Variants in RC3H2 observed in about 807,000 individuals in gnomAD.
RC3H2 encodes the protein ring finger and CCCH-type domains 2, also known as roquin-2.
In RC3H2, 31 loss-of-function variants were observed where a neutral mutation model predicts 133.3. The ratio of observed to expected loss-of-function variants is 0.23; its 90% CI spans 0.17 to 0.31. The LOEUF is 0.31. Among genes scored for constraint, RC3H2 ranks in the 10% least tolerant of loss-of-function variants. The pLI, the probability that RC3H2 is intolerant of heterozygous loss-of-function variation, is 1.00. For missense variants in RC3H2, 1,175 were observed against 1,437.2 expected (o/e 0.82, Z 2.95); for synonymous variants, 517 against 502.2 (o/e 1.03, Z -0.40).
rs1426557576 is a variant in RC3H2, at chr9:122,880,743, G to A, written c.811C>T (p.Arg271Trp). Residue 271 changes from arginine to tryptophan, a missense_variant, in exon 6 of 21, where the codon CGG becomes TGG. Around this residue, in one of 8 missense-constraint regions of RC3H2, gnomAD observed 121 missense variants for 243.5 expected, o/e 0.50. Coordinates refer to ENST00000357244, the MANE Select transcript of RC3H2 (RefSeq NM_001100588.3). The stretch of plus-strand genomic sequence containing the variant: ...TCTCTGCGTAATGCTTCATAACTCC[G>A]AAATTCCTCCTTCAGCTGCATTAGG... The part of the protein sequence containing the change: ...SSLMQLKEEF[R>W]SYEALRREHD... 6 of 1,613,918 alleles carry A rather than the reference G, an allele frequency of 3.7e-6. No homozygotes were observed. Among genetic ancestry groups the A allele is most frequent in the Non-Finnish European group, 4.2e-6 (5 of 1,179,954 alleles).
rs758930995 is a variant in RC3H2, at chr9:122,858,080, T to A, written c.2297A>T (p.His766Leu). 3 of 1,614,146 alleles carry A rather than the reference T, an allele frequency of 1.9e-6. No individual in the cohort carries two copies. The South Asian group carries it at 3.3e-5, about 18-fold the overall frequency. Reference sequence around the variant, plus strand: ...CTGCTCCTCGCAACTGGTCTTCAAATGACCACAAGGTTCCTAATGGGGGAT... The same window carrying A: ...CTGCTCCTCGCAACTGGTCTTCAAAAGACCACAAGGTTCCTAATGGGGGAT... Reference protein sequence around the residue: ...TVPLPREPCGHLKTSCEEQIR... With the variant: ...TVPLPREPCGLLKTSCEEQIR... The change falls in exon 13 of 21, where the codon CAT becomes CTT. Residue 766 changes from histidine (H) to leucine (L), a missense_variant. Coordinates refer to ENST00000357244, the MANE Select transcript of RC3H2 (RefSeq NM_001100588.3).
In RC3H2 at chr9:122,855,264, G is replaced by C. The variant is rs763230704; in HGVS notation, c.2735C>G (p.Ser912Cys). The C allele has an allele frequency of 8.7e-6, 14 of 1,614,222 alleles. No individual in the cohort carries two copies. In the South Asian group the frequency reaches 1.5e-4, roughly 18 times the overall value. ...ISKWGAISRS[S>C]RTGYHTTDPV... ...ATCTGTGGTATGGTAACCTGTACGGGAAGATCTGGAAATCGCACCCCATTT... is the reference window on the plus strand; with the variant it reads ...ATCTGTGGTATGGTAACCTGTACGGCAAGATCTGGAAATCGCACCCCATTT... The change falls in exon 15 of 21, where the codon TCC (serine) becomes TGC (cysteine). Residue 912 changes from serine to cysteine, a missense_variant. Coordinates refer to ENST00000357244, the MANE Select transcript of RC3H2 (RefSeq NM_001100588.3).
At chr9:122,876,879 G>GAC (rs1831363813) in intron 9 of RC3H2, among the ~76,000 whole-genome samples, 1 of 152,124 alleles carries the variant, frequency 6.6e-6, no homozygotes, top group African/African-American at 2.4e-5. Context: ...GCCGTAAAAA[G>GAC]GATATATATC....
chr9:122,888,942 C>G (rs372230634), intron 4 of RC3H2, among the ~76,000 whole-genome samples: 2 of 152,220 alleles, frequency 1.3e-5, no homozygotes, highest in African/African-American at 2.4e-5. Flanking sequence ...CCCATGACTA[C>G]TGGATGAGAG....
intron 5 of RC3H2, among the ~76,000 whole-genome samples, chr9:122,882,833 A>G (rs535967536): frequency 6.6e-6 from 1 of 152,376 alleles, no homozygotes; most frequent in Admixed American, 6.5e-5. Context: ...GATAACAAAC[A>G]TAATAATGGG....
intron 4 of RC3H2, among the ~76,000 whole-genome samples, chr9:122,883,967 T>G (rs1046775835): frequency 6.6e-6 from 1 of 152,146 alleles, no homozygotes; most frequent in Non-Finnish European, 1.5e-5. Flanking sequence ...CACTCCAGCC[T>G]GGGTAACAGA....
intron 4 of RC3H2, 29 bp downstream of exon 4, chr9:122,890,283 A>C: frequency 6.3e-7 from 1 of 1,586,342 alleles, no homozygotes; most frequent in East Asian, 2.2e-5. Flanking sequence ...AATAGCTAAT[A>C]AAAAAGGTAA....
At chr9:122,868,123 TG>T (rs1181338347) in intron 9 of RC3H2, among the ~76,000 whole-genome samples, 2 of 141,354 alleles carry the variant, frequency 1.4e-5, no homozygotes, top group African/African-American at 5.3e-5. Flanking sequence ...GAGGTGGGGG[TG>T]TCAGCCCCCC....
chr9:122,852,182 G>A (rs1246294793), intron 18 of RC3H2, among the ~76,000 whole-genome samples: 1 of 150,796 alleles, frequency 6.6e-6, no homozygotes. Flanking sequence ...GCCTCTGCCC[G>A]GCCGCCACCC....
intron 4 of RC3H2, among the ~76,000 whole-genome samples, chr9:122,887,596 G>A (rs1379534945): frequency 6.6e-6 from 1 of 152,096 alleles, no homozygotes; most frequent in East Asian, 1.9e-4. Flanking sequence ...GGGTGTTATG[G>A]TTATTCATCA....
At chr9:122,867,489 C>G (rs1830758827) in intron 9 of RC3H2, among the ~76,000 whole-genome samples, 1 of 146,244 alleles carries the variant, frequency 6.8e-6, no homozygotes, top group Non-Finnish European at 1.5e-5. Flanking sequence ...GCCAGCCGCC[C>G]TGTCGGGGAT....
chr9:122,850,225 TCG>T (rs936593343), intron 20 of RC3H2, among the ~76,000 whole-genome samples: 5 of 152,076 alleles, frequency 3.3e-5, no homozygotes, highest in African/African-American at 1.2e-4. Flanking sequence ...TCCACCCGCC[TCG>T]GCCTCCCAAA....
Position 122,887,867 on chromosome 9 carries a change from G to A in RC3H2, c.583+2445C>T, listed in dbSNP as rs541269021. 7.3e-5 allele frequency among the ~76,000 whole-genome samples: 11 copies of A among 150,314 alleles called. No individual in the cohort carries two copies. In the East Asian group the frequency reaches 2.0e-3, roughly 27 times the overall value. ...AGGGCAATTCTCGTGCCTCAGCTTCGCGAGTAGCTGAGATTATAGGTGCCT... is the reference window on the plus strand; with the variant it reads ...AGGGCAATTCTCGTGCCTCAGCTTCACGAGTAGCTGAGATTATAGGTGCCT... On this transcript the variant is annotated intron_variant, in intron 4 of 20. Transcript: ENST00000357244.
At chr9:122,867,389 C>A (rs1386392996) in intron 9 of RC3H2, among the ~76,000 whole-genome samples, 1 of 143,356 alleles carries the variant, frequency 7.0e-6, no homozygotes, top group Non-Finnish European at 1.6e-5. Flanking sequence ...CAGCCAGCCG[C>A]TCCGTCCGGG....
At chr9:122,851,598 C>G (rs971936595) in intron 18 of RC3H2, 162 bp from the exon 19 acceptor site, 12 of 892,010 alleles carry the variant, frequency 1.3e-5, no homozygotes, top group Admixed American at 2.9e-5. Context: ...ACCTCCCTGC[C>G]TGATTCTCCT....
chr9:122,897,539 C>A lies in RC3H2; in HGVS notation c.-30G>T. The A allele has an allele frequency of 6.3e-7, 1 of 1,595,040 alleles. No individual in the cohort carries two copies. The highest frequency in any genetic ancestry group is 1.1e-5 in the South Asian group (1 of 89,172). On this transcript the variant is annotated 5_prime_UTR_variant, in exon 2 of 21. It removes the in-frame stop codon of an upstream open reading frame in the 5' UTR. Coordinates refer to ENST00000357244, the MANE Select transcript of RC3H2 (RefSeq NM_001100588.3). ...GAAGCTGGATGCTCGGGTTAGCAGT[C>A]TAGCAGATCATTATTTTGCTGTGTA...
In RC3H2 at chr9:122,849,695, G is replaced by T; in HGVS notation, c.3508C>A (p.His1170Asn). ...TCGTTTTTATCTTCAGACATAACAT[G>T]AGTTTTCAGAATGAGGTTGCCAGCA... Reference protein sequence around the residue: ...VSAGNLILKTHVMSEDKNDFL... With the variant: ...VSAGNLILKTNVMSEDKNDFL... The change falls in exon 21 of 21, where the codon CAT becomes AAT. Residue 1170 changes from histidine to asparagine, a missense_variant. His to Asn is a moderately conservative substitution (Grantham distance 68). Coordinates refer to ENST00000357244, the MANE Select transcript of RC3H2 (RefSeq NM_001100588.3). 1 of 1,612,830 alleles carries T rather than the reference G, an allele frequency of 6.2e-7. No homozygotes were observed.
intron 8 of RC3H2, among the ~76,000 whole-genome samples, chr9:122,878,861 G>A (rs1274677558): frequency 1.3e-5 from 2 of 151,130 alleles, no homozygotes; most frequent in East Asian, 2.0e-4. Flanking sequence ...CGATTCTCCT[G>A]ACTCAGCCGT....
At chr9:122,897,078 G>A (rs1467007847) in intron 2 of RC3H2, among the ~76,000 whole-genome samples, 1 of 135,998 alleles carries the variant, frequency 7.4e-6, no homozygotes, top group Non-Finnish European at 1.6e-5. Context: ...TAACACTAAC[G>A]ATAGCTGATG....
Sources: allele counts gnomAD v4.1 joint callset (sites outside exome capture counted in the v4.1 genomes callset), GRCh38; gene constraint gnomAD v4.1.1; regional missense constraint gnomAD v4.1.1; transcripts MANE v1.5; gene names NCBI Gene and HGNC (gene_info 2026-07-23, HGNC 2026-07-21).